RNF125: variants seen among roughly 807,000 people sequenced by gnomAD.
The protein encoded by RNF125 is E3 ubiquitin-protein ligase RNF125.
A neutral mutation model predicts 26.0 loss-of-function variants in RNF125; 21 were observed. The observed-to-expected ratio is 0.81, with a 90% CI of 0.57 to 1.16. The LOEUF is 1.16. Among genes scored for constraint, RNF125 ranks in the 50% most tolerant of loss-of-function variants. The probability of loss-of-function intolerance (pLI) is 0.00; values close to 1 mark genes in which losing one functional copy is unlikely to be tolerated. For missense variants in RNF125, 270 were observed against 299.4 expected, an observed-to-expected ratio of 0.90 and a Z score of 0.72; for synonymous variants, 95 against 109.2, an observed-to-expected ratio of 0.87 and a Z score of 0.81.
In RNF125 at chr18:32,069,421, C is replaced by T. The variant is rs2039514286; in HGVS notation, c.*1037C>T. On this transcript the variant is annotated 3_prime_UTR_variant, in exon 6 of 6. Transcript: ENST00000217740. ...AGATGATACTTACAGTATAAGTATT[C>T]ACATCCAGACTTTTTAGTAGAAAAC... The T allele has an allele frequency of 6.6e-6, 1 of 152,022 alleles. No individual in the cohort carries two copies. The highest frequency in any genetic ancestry group is 1.5e-5 in the Non-Finnish European group (1 of 68,016). 9.4% of individuals were successfully genotyped at this position (152,022 alleles called of 1,614,324 possible).
chr18:32,085,416 A>AGAGAGAG, the RNF125 span, among the ~76,000 whole-genome samples: 23 of 125,048 alleles, frequency 1.8e-4, no homozygotes, highest in South Asian at 8.0e-4. Flanking sequence ...AGAGAGAGAG[A>AGAGAGAG]AAGCTGGGTG....
At chr18:32,046,730 T>C (rs1244489750) in intron 4 of RNF125, among the ~76,000 whole-genome samples, 2 of 152,198 alleles carry the variant, frequency 1.3e-5, no homozygotes, top group African/African-American at 4.8e-5. Context: ...ATGGTAAATG[T>C]ACATATTGCT....
At chr18:32,061,188 C>G (rs1305644988) in intron 4 of RNF125, among the ~76,000 whole-genome samples, 1 of 152,122 alleles carries the variant, frequency 6.6e-6, no homozygotes, top group African/African-American at 2.4e-5. Context: ...CCACACCCGG[C>G]TAATTTTTTG....
At chr18:32,064,140 G>A (rs1173315299) in intron 4 of RNF125, among the ~76,000 whole-genome samples, 1 of 151,926 alleles carries the variant, frequency 6.6e-6, no homozygotes, top group Non-Finnish European at 1.5e-5. Flanking sequence ...GACTACAGGT[G>A]TGCACCACCA....
chr18:32,082,528 CAG>C, the RNF125 span, among the ~76,000 whole-genome samples: 1 of 152,144 alleles, frequency 6.6e-6, no homozygotes, highest in Non-Finnish European at 1.5e-5. Context: ...TCTGCCAGCC[CAG>C]GTAGTCGTCT....
At chr18:32,056,651 GA>G (rs1419249311) in intron 4 of RNF125, among the ~76,000 whole-genome samples, 35 of 138,878 alleles carry the variant, frequency 2.5e-4, no homozygotes, top group Admixed American at 1.6e-3. Flanking sequence ...GACAATTATA[GA>G]AAAAAAGATA....
the RNF125 span, among the ~76,000 whole-genome samples, chr18:32,086,917 G>T: frequency 2.6e-5 from 4 of 152,048 alleles, no homozygotes; most frequent in Non-Finnish European, 5.9e-5. Flanking sequence ...CTCCCAAAGT[G>T]CTGGAATTAC....
At chr18:32,054,508 T>C (rs2039361468) in intron 4 of RNF125, among the ~76,000 whole-genome samples, 1 of 152,198 alleles carries the variant, frequency 6.6e-6, no homozygotes, top group Non-Finnish European at 1.5e-5. Flanking sequence ...TTTCCATAAG[T>C]AATAGTGATG....
At chr18:32,039,151 C>T (rs2039191614) in intron 2 of RNF125, among the ~76,000 whole-genome samples, 3 of 151,422 alleles carry the variant, frequency 2.0e-5, no homozygotes, top group Admixed American at 6.6e-5. Context: ...CCTGTAATCC[C>T]AGCACTTTGG....
At chr18:32,019,073 G>T (rs1304522978) in intron 1 of RNF125, 46 bp downstream of exon 1, 1 of 1,595,940 alleles carries the variant, frequency 6.3e-7, no homozygotes, top group East Asian at 2.3e-5. Flanking sequence ...TAAGGAGGGC[G>T]ATGTGGGGAA....
At chr18:32,036,282 A>G (rs991317709) in intron 1 of RNF125, among the ~76,000 whole-genome samples, 1 of 152,018 alleles carries the variant, frequency 6.6e-6, no homozygotes, top group African/African-American at 2.4e-5. Context: ...TATGCTTATA[A>G]GAACTTTCCA....
chr18:32,058,818 A>C (rs1041322952), intron 4 of RNF125, among the ~76,000 whole-genome samples: 3 of 152,048 alleles, frequency 2.0e-5, no homozygotes, highest in Non-Finnish European at 2.9e-5. Flanking sequence ...TCTACCCTCT[A>C]TCTCCATGAG....
intron 4 of RNF125, among the ~76,000 whole-genome samples, chr18:32,055,540 C>T (rs149883312): frequency 6.6e-5 from 10 of 152,192 alleles, no homozygotes; most frequent in East Asian, 1.9e-4. Context: ...AGAGAATGAA[C>T]GCGGGAGGAA....
chr18:32,021,991 C>T (rs1264117130), intron 1 of RNF125, among the ~76,000 whole-genome samples: 2 of 152,302 alleles, frequency 1.3e-5, no homozygotes, highest in East Asian at 1.9e-4. Flanking sequence ...TTTTGGCAAA[C>T]TTACTTGGTC....
intron 1 of RNF125, among the ~76,000 whole-genome samples, chr18:32,019,441 C>G (rs1039098341): frequency 7.9e-5 from 12 of 152,210 alleles, no homozygotes; most frequent in Non-Finnish European, 1.2e-4. Flanking sequence ...GCGCAGTTAC[C>G]CCGCTGAACA....
intron 4 of RNF125, among the ~76,000 whole-genome samples, chr18:32,053,174 C>T (rs181228449): frequency 3.3e-5 from 5 of 152,162 alleles, no homozygotes; most frequent in Admixed American, 3.3e-4. Flanking sequence ...ACCAGCCTGA[C>T]CAACATGGAG....
chr18:32,050,865 C>CTTTTTTTTTTTTTTTTTTTT (rs531751585), intron 4 of RNF125, among the ~76,000 whole-genome samples: 4 of 46,342 alleles, frequency 8.6e-5, no homozygotes, highest in African/African-American at 3.1e-4. Context: ...GTCTAGAGTG[C>CTTTTTTTTTTTTTTTTTTTT]TTTTTTTTTT....
chr18:32,029,458 T>C (rs991080314), intron 1 of RNF125, among the ~76,000 whole-genome samples: 1 of 135,250 alleles, frequency 7.4e-6, no homozygotes, highest in Non-Finnish European at 1.5e-5. Context: ...ACCTCGTCTG[T>C]ACAGAAAAAA....
At chr18:32,064,944 C>T (rs888658781) in intron 4 of RNF125, among the ~76,000 whole-genome samples, 2 of 152,108 alleles carry the variant, frequency 1.3e-5, no homozygotes, top group East Asian at 3.8e-4. Context: ...TATCCATATA[C>T]AAACAAGTAT....
Sources: gnomAD v4.1 joint callset for allele counts (sites outside exome capture counted in the v4.1 genomes callset) on GRCh38, gnomAD v4.1.1 for gene constraint, MANE v1.5 for transcripts, NCBI Gene and HGNC (gene_info 2026-07-23, HGNC 2026-07-21) for gene names.